The following RAB11FIP3 variants were observed in gnomAD, a reference collection of about 807,000 sequenced individuals.
RAB11FIP3 encodes the protein rab11 family-interacting protein 3.
In RAB11FIP3, 17 loss-of-function variants were observed where a neutral mutation model predicts 77.8. The ratio of observed to expected loss-of-function variants is 0.22; its 90% CI spans 0.15 to 0.33. RAB11FIP3 has a LOEUF of 0.33. Ranked by LOEUF, RAB11FIP3 falls within the 10% of genes least tolerant of loss-of-function variation. The pLI, the probability that RAB11FIP3 is intolerant of heterozygous loss-of-function variation, is 1.00. For missense variants in RAB11FIP3, 1,005 were observed against 1,011.2 expected (o/e 0.99, Z 0.08); for synonymous variants, 437 against 448.2 (o/e 0.98, Z 0.31).
At chr16:453,431 C>T (rs1259978376) in intron 1 of RAB11FIP3, 2 of 152,090 alleles carry the variant, frequency 1.3e-5, no homozygotes, top group Non-Finnish European at 2.9e-5. Context: ...ATATGCCTCT[C>T]TGGGGACCTG....
intron 1 of RAB11FIP3, among the ~76,000 whole-genome samples, chr16:454,450 AC>A (rs2055462404): frequency 1.3e-5 from 2 of 152,042 alleles, no homozygotes; most frequent in Non-Finnish European, 2.9e-5. Context: ...GGTGACACTC[AC>A]CTCTAGTCCC....
intron 1 of RAB11FIP3, among the ~76,000 whole-genome samples, chr16:444,821 A>G (rs2055283600): frequency 6.6e-6 from 1 of 151,314 alleles, no homozygotes. Flanking sequence ...TATCTCTATT[A>G]AAAAAGACTG....
chr16:450,041 G>T (rs769000229), intron 1 of RAB11FIP3, among the ~76,000 whole-genome samples: 1 of 152,116 alleles, frequency 6.6e-6, no homozygotes, highest in South Asian at 2.1e-4. Context: ...CAAGAGAGGG[G>T]GTCTTAGAAT....
intron 1 of RAB11FIP3, among the ~76,000 whole-genome samples, chr16:445,142 T>C (rs938168508): frequency 1.7e-5 from 2 of 118,888 alleles, no homozygotes; most frequent in Admixed American, 8.9e-5. Context: ...GAAAAAAAGA[T>C]TGGGTTCAGG....
intron 1 of RAB11FIP3, among the ~76,000 whole-genome samples, chr16:455,252 G>T (rs143137672): frequency 1.9e-3 from 286 of 151,914 alleles, no homozygotes; most frequent in Middle Eastern, 6.8e-3. Flanking sequence ...GGCCAAGGTG[G>T]GCGGATCACC....
intron 6 of RAB11FIP3, among the ~76,000 whole-genome samples, chr16:497,938 A>T (rs1298007058): frequency 6.9e-6 from 1 of 145,922 alleles, no homozygotes; most frequent in Non-Finnish European, 1.5e-5. Flanking sequence ...CCCTGTCTCT[A>T]CAAAAAAAAA....
intron 5 of RAB11FIP3, among the ~76,000 whole-genome samples, chr16:493,870 G>A (rs916364109): frequency 2.7e-5 from 4 of 146,320 alleles, no homozygotes; most frequent in Non-Finnish European, 6.0e-5. Context: ...GGGATTACAG[G>A]CTGAGCCACT....
At position 511,255 on chromosome 16, in the gene RAB11FIP3, A is replaced by G. The variant is rs549055306; in HGVS notation, c.1640+455A>G. Among the ~76,000 whole-genome samples the G allele has an allele frequency of 8.9e-3, 1,001 of 112,422 alleles. 7 individuals are homozygous for G. Among genetic ancestry groups the G allele is most frequent in the Admixed American group, 0.013 (141 of 10,536 alleles). 73.8% of individuals were successfully genotyped at this position (112,422 alleles called of 152,430 possible). A position where few individuals can be genotyped will look rare whatever the true frequency, so the allele number is the denominator to read the frequency against. On this transcript the variant is annotated intron_variant, in intron 9 of 13. Coordinates refer to ENST00000262305, the MANE Select transcript of RAB11FIP3 (RefSeq NM_014700.4). ...AGGCCAGGCAGGAGAGGTTCCCGAC[A>G]GCCTGCCCACCCCAGAAACTGCAGG...
At chr16:498,377 G>A (rs117140151) in intron 6 of RAB11FIP3, among the ~76,000 whole-genome samples, 3,270 of 152,196 alleles carry the variant, frequency 0.021, 51 homozygotes, top group Non-Finnish European at 0.035. Flanking sequence ...GTTTCACTAC[G>A]TTGCCCAGAC....
rs1243211303 is a variant in RAB11FIP3 at position 521,094 on chromosome 16, C to T, written c.*255C>T. ...AGGATGAGGGTTGTGGCAGGGCCGTCCATCAGCGCTGACCTTCCGGGGGCC... is the reference window on the plus strand; with the variant it reads ...AGGATGAGGGTTGTGGCAGGGCCGTTCATCAGCGCTGACCTTCCGGGGGCC... On this transcript the variant is annotated 3_prime_UTR_variant, in exon 14 of 14. Transcript: ENST00000262305. 7.2e-6 allele frequency: 4 copies of T among 558,614 alleles called. No individual in the cohort carries two copies. In the Admixed American group the frequency reaches 9.2e-5, roughly 13 times the overall value. 34.6% of individuals were successfully genotyped at this position (558,614 alleles called of 1,614,324 possible). A position where few individuals can be genotyped will look rare whatever the true frequency, so the allele number is the denominator to read the frequency against.
intron 3 of RAB11FIP3, among the ~76,000 whole-genome samples, chr16:481,435 C>G (rs1331933160): frequency 6.6e-6 from 1 of 152,156 alleles, no homozygotes; most frequent in East Asian, 1.9e-4. Context: ...CACTTGAACA[C>G]AGGCCACGTA....
At chr16:486,504 C>A (rs990910749) in intron 4 of RAB11FIP3, among the ~76,000 whole-genome samples, 2 of 152,170 alleles carry the variant, frequency 1.3e-5, no homozygotes, top group Non-Finnish European at 2.9e-5. Flanking sequence ...AAAATGAAAA[C>A]AAAAGTATAA....
chr16:459,485 G>A lies in RAB11FIP3; in HGVS notation c.715-1919G>A, dbSNP rs529792939. ...AAATTCTCATTTTGTAGCCCAGGCT[G>A]GAGTGCAGTGGCACAATCTTGGCTC... On this transcript the variant is annotated intron_variant, in intron 1 of 13. Coordinates refer to ENST00000262305, the MANE Select transcript of RAB11FIP3 (RefSeq NM_014700.4). Among the ~76,000 whole-genome samples, 17 of 148,788 alleles carry A rather than the reference G, an allele frequency of 1.1e-4. No individual in the cohort carries two copies. In the East Asian group the frequency reaches 3.4e-3, roughly 29 times the overall value.
Position 426,273 on chromosome 16 carries a change from CCCG to C in RAB11FIP3, c.275_277del (p.Pro92del). The C allele has an allele frequency of 8.3e-7, 1 of 1,208,756 alleles. No individual in the cohort carries two copies. 74.9% of individuals were successfully genotyped at this position (1,208,756 alleles called of 1,614,324 possible). A position where few individuals can be genotyped will look rare whatever the true frequency, so the allele number is the denominator to read the frequency against. ...GCCCGCGAGACCCCGGGCCGTCCGC[CCCG>C]CCGCCGCGCTCCGGCCCGCGGGGGC... On this transcript the variant is annotated inframe_deletion, in exon 1 of 14. Transcript: ENST00000262305. The surrounding 1 kb of genome is among the most constrained non-coding windows in gnomAD (Gnocchi z 5.0).
Position 482,508 on chromosome 16 carries a change from G to T in RAB11FIP3, c.904-17G>T. 6.2e-7 allele frequency: 1 copy of T among 1,612,222 alleles called. No homozygotes were observed. The highest frequency in any genetic ancestry group is 8.5e-7 in the Non-Finnish European group (1 of 1,179,014). ...TCCCAGCTTGTGCCCGCTGACTGCTGGCGCACTCTCTCCTAGGCCAACGAG... is the reference window on the plus strand; with the variant it reads ...TCCCAGCTTGTGCCCGCTGACTGCTTGCGCACTCTCTCCTAGGCCAACGAG... On this transcript the variant is annotated splice_polypyrimidine_tract_variant and intron_variant, in intron 3 of 13. Transcript: ENST00000262305.
intron 4 of RAB11FIP3, among the ~76,000 whole-genome samples, chr16:485,482 G>A (rs996616185): frequency 2.6e-5 from 4 of 152,094 alleles, no homozygotes; most frequent in Admixed American, 1.3e-4. Flanking sequence ...GCGCCATCTT[G>A]GCTGACTGCA....
intron 1 of RAB11FIP3, among the ~76,000 whole-genome samples, chr16:457,025 A>G (rs1425966914): frequency 1.3e-5 from 2 of 151,032 alleles, no homozygotes; most frequent in East Asian, 3.9e-4. Context: ...AGCTTCGGGA[A>G]CTCCTAGGAA....
chr16:518,546 G>A (rs942122393), intron 9 of RAB11FIP3, among the ~76,000 whole-genome samples: 58 of 149,952 alleles, frequency 3.9e-4, no homozygotes, highest in African/African-American at 1.3e-3. Context: ...CCAACATGGC[G>A]AAACCCCCTC....
Position 472,484 on chromosome 16 carries a change from T to C in RAB11FIP3, c.903+1095T>C, listed in dbSNP as rs2055827117. On this transcript the variant is annotated intron_variant, in intron 3 of 13. Transcript: ENST00000262305. The surrounding 1 kb of genome is among the most constrained non-coding windows in gnomAD (Gnocchi z 4.1). The stretch of plus-strand genomic sequence containing the variant: ...GTTGGACCCTCTCGCATGGCTGCAG[T>C]GTGCAGAACGTGCTGGGAGACCCCA... 6.6e-6 allele frequency among the ~76,000 whole-genome samples: 1 copy of C among 152,162 alleles called. No individual in the cohort carries two copies.
Sources: allele counts gnomAD v4.1 joint callset (sites outside exome capture counted in the v4.1 genomes callset), GRCh38; gene constraint gnomAD v4.1.1; non-coding constraint Gnocchi (gnomAD v3.1); transcripts MANE v1.5; gene names NCBI Gene and HGNC (gene_info 2026-07-23, HGNC 2026-07-21).